The following PALM2AKAP2 variants were observed in gnomAD, a reference collection of about 807,000 sequenced individuals.
PALM2AKAP2 encodes the protein PALM2 and AKAP2 fusion, also known as PALM2-AKAP2 fusion protein.
A neutral mutation model predicts 71.5 loss-of-function variants in PALM2AKAP2; 37 were observed. That is an observed-to-expected ratio of 0.52 (90% confidence interval 0.40 to 0.68). PALM2AKAP2 has a LOEUF of 0.68. Ranked by LOEUF, PALM2AKAP2 falls within the 30% of genes least tolerant of loss-of-function variation. The pLI is 0.00. For synonymous variants in PALM2AKAP2, 468 were observed against 478.8 expected (o/e 0.98, Z 0.29); for missense variants, 1,224 against 1,191.8 (o/e 1.03, Z -0.40).
chr9:109,880,208 G>T (rs9409098), intron 2 of PALM2AKAP2, among the ~76,000 whole-genome samples: 53,588 of 152,010 alleles, frequency 0.35, 10,135 homozygotes, highest in Non-Finnish European at 0.43. Flanking sequence ...CTGACATATT[G>T]TTGGGTAAAA....
Position 109,992,954 on chromosome 9 carries a change from T to TAGAG in PALM2AKAP2, c.497-22979_497-22976dup, listed in dbSNP as rs3063881. 4.4e-3 allele frequency among the ~76,000 whole-genome samples: 629 copies of TAGAG among 142,708 alleles called. 7 individuals carry two copies. The highest frequency in any genetic ancestry group is 0.012 in the African/African-American group (442 of 38,428). The allele number at this position is 142,708 out of a possible 152,430, so 93.6% of individuals were successfully genotyped here. On this transcript the variant is annotated intron_variant, in intron 6 of 9. Transcript: ENST00000302798. ...TCATATATATGTATATATATATATA[T>TAGAG]AGAGAGAGAGAGAGAGAGAGAGAGC...
chr9:110,145,541 G>A (rs1487828521), intron 2 of PALM2AKAP2, among the ~76,000 whole-genome samples: 6 of 152,024 alleles, frequency 3.9e-5, no homozygotes, highest in Non-Finnish European at 8.8e-5. Flanking sequence ...GAACATTTTT[G>A]GTGTACTAGG....
chr9:110,035,244 AATT>A (rs1833361251), intron 7 of PALM2AKAP2, among the ~76,000 whole-genome samples: 1 of 137,594 alleles, frequency 7.3e-6, no homozygotes, highest in South Asian at 2.2e-4. Context: ...TATAATATAT[AATT>A]ATATTATATA....
intron 1 of PALM2AKAP2, among the ~76,000 whole-genome samples, chr9:109,711,176 G>A (rs192732196): frequency 4.6e-5 from 7 of 152,158 alleles, no homozygotes; most frequent in African/African-American, 1.2e-4. Context: ...AAAAAAAATG[G>A]AAAGGTGGTG....
At chr9:110,048,555 TG>T, upstream of PALM2AKAP2, 1 of 659,516 alleles carries the variant, frequency 1.5e-6, no homozygotes, top group Non-Finnish European at 2.2e-6. Flanking sequence ...TGTGGGTAGA[TG>T]GGGAGGGGAG....
chr9:110,100,079 A>ATATATATATATG (rs897991382), intron 1 of PALM2AKAP2, among the ~76,000 whole-genome samples: 8 of 145,768 alleles, frequency 5.5e-5, no homozygotes, highest in African/African-American at 2.0e-4. Context: ...ATATATATAT[A>ATATATATATATG]TAGAAACATA....
At chr9:109,693,182 A>T (rs146927413) in intron 1 of PALM2AKAP2, among the ~76,000 whole-genome samples, 1 of 151,812 alleles carries the variant, frequency 6.6e-6, no homozygotes, top group African/African-American at 2.4e-5. Context: ...TTATTTATTT[A>T]TTTATTTCTT....
upstream of PALM2AKAP2, among the ~76,000 whole-genome samples, chr9:109,780,003 C>G (rs1250179226): frequency 6.6e-6 from 1 of 151,720 alleles, no homozygotes; most frequent in African/African-American, 2.4e-5. Flanking sequence ...AGCGGCTCGC[C>G]GTGCGCCCGC....
At chr9:109,682,875 A>G (rs1018127951) in intron 1 of PALM2AKAP2, among the ~76,000 whole-genome samples, 70 of 152,242 alleles carry the variant, frequency 4.6e-4, no homozygotes, top group African/African-American at 1.5e-3. Context: ...AATCCCTGAA[A>G]CCTGTGAACA....
chr9:109,901,513 A>T (rs760578136), intron 3 of PALM2AKAP2, among the ~76,000 whole-genome samples: 7 of 152,166 alleles, frequency 4.6e-5, no homozygotes, highest in Admixed American at 2.0e-4. Flanking sequence ...CTCTTTGAAG[A>T]TGGGATAATC....
chr9:109,878,799 A>G (rs1032602973), intron 2 of PALM2AKAP2, among the ~76,000 whole-genome samples: 1 of 152,140 alleles, frequency 6.6e-6, no homozygotes, highest in Non-Finnish European at 1.5e-5. Flanking sequence ...GTGCAGTGGC[A>G]TGATCTCAGC....
At chr9:109,701,082 TG>T (rs1383806789) in intron 1 of PALM2AKAP2, among the ~76,000 whole-genome samples, 1 of 152,170 alleles carries the variant, frequency 6.6e-6, no homozygotes, top group Non-Finnish European at 1.5e-5. Flanking sequence ...TAAGAGATAA[TG>T]TAAGGTTGGG....
intron 6 of PALM2AKAP2, among the ~76,000 whole-genome samples, chr9:109,999,683 G>A (rs570699974): frequency 9.8e-5 from 15 of 152,360 alleles, no homozygotes; most frequent in Middle Eastern, 3.4e-3. Flanking sequence ...CGTGGAGAAC[G>A]GCCCGCTGAA....
intron 1 of PALM2AKAP2, among the ~76,000 whole-genome samples, chr9:109,657,950 G>T (rs1269710762): frequency 1.1e-4 from 16 of 147,528 alleles, no homozygotes; most frequent in African/African-American, 4.3e-4. Context: ...GTGTGTGTGT[G>T]TGTGTGTGTG....
intron 1 of PALM2AKAP2, among the ~76,000 whole-genome samples, chr9:109,669,323 T>C (rs1827539503): frequency 6.6e-6 from 1 of 152,132 alleles, no homozygotes; most frequent in South Asian, 2.1e-4. Context: ...CTAGATCTAA[T>C]GAGACAATCA....
intron 3 of PALM2AKAP2, among the ~76,000 whole-genome samples, chr9:109,904,815 G>T (rs1344476815): frequency 6.6e-6 from 1 of 152,134 alleles, no homozygotes; most frequent in Non-Finnish European, 1.5e-5. Flanking sequence ...CATTTCAAGT[G>T]GACTATCAGA....
At chr9:110,119,419 A>T (rs1486196776) in intron 1 of PALM2AKAP2, among the ~76,000 whole-genome samples, 1 of 151,568 alleles carries the variant, frequency 6.6e-6, no homozygotes, top group Non-Finnish European at 1.5e-5. Context: ...GTCTTTTATT[A>T]TTGCAAAGAT....
At chr9:109,658,252 G>A (rs1827337178) in intron 1 of PALM2AKAP2, among the ~76,000 whole-genome samples, 2 of 152,074 alleles carry the variant, frequency 1.3e-5, no homozygotes, top group South Asian at 4.2e-4. Context: ...TGGTGTTTAA[G>A]GCCATGGGAT....
chr9:109,784,794 G>A (rs572160384), intron 1 of PALM2AKAP2, among the ~76,000 whole-genome samples: 76 of 152,336 alleles, frequency 5.0e-4, no homozygotes, highest in Non-Finnish European at 7.1e-4. Flanking sequence ...GCAGCGTCTC[G>A]CACTTTTCCC....
Sources: gnomAD v4.1 joint callset for allele counts (sites outside exome capture counted in the v4.1 genomes callset) on GRCh38, gnomAD v4.1.1 for gene constraint, MANE v1.5 for transcripts, NCBI Gene and HGNC (gene_info 2026-07-23, HGNC 2026-07-21) for gene names.